The following MBNL1 variants were observed in gnomAD, a reference collection of about 807,000 sequenced individuals.
MBNL1 encodes muscleblind like splicing regulator 1.
Under a neutral mutation model 42.2 loss-of-function variants are expected in MBNL1, and 8 were observed. The ratio of observed to expected loss-of-function variants is 0.19; its 90% CI spans 0.11 to 0.34. The LOEUF is 0.34. Ranked by LOEUF, MBNL1 falls within the 10% of genes least tolerant of loss-of-function variation. The probability of loss-of-function intolerance (pLI) is 1.00; values close to 1 mark genes in which losing one functional copy is unlikely to be tolerated. For missense variants in MBNL1, 309 were observed against 495.3 expected, an observed-to-expected ratio of 0.62 and a Z score of 3.57; for synonymous variants, 169 against 173.9, an observed-to-expected ratio of 0.97 and a Z score of 0.22.
At chr3:152,335,491 A>G (rs1048531728) in intron 2 of MBNL1, among the ~76,000 whole-genome samples, 4 of 152,168 alleles carry the variant, frequency 2.6e-5, no homozygotes, top group African/African-American at 9.6e-5. Context: ...CAGTAGATGG[A>G]GCATAGTTTT....
chr3:152,284,150 G>A (rs1014893211), intron 1 of MBNL1, among the ~76,000 whole-genome samples: 6 of 152,064 alleles, frequency 3.9e-5, no homozygotes, highest in Non-Finnish European at 7.4e-5. Flanking sequence ...TATTGTTAAT[G>A]AATATATTCA....
At chr3:152,323,034 G>T (rs1276487729) in intron 2 of MBNL1, among the ~76,000 whole-genome samples, 1 of 151,966 alleles carries the variant, frequency 6.6e-6, no homozygotes, top group African/African-American at 2.4e-5. Flanking sequence ...CCAAAAATGG[G>T]GTTATACTGG....
chr3:152,444,447 A>C (rs998968761), intron 4 of MBNL1, among the ~76,000 whole-genome samples: 3 of 152,218 alleles, frequency 2.0e-5, no homozygotes, highest in Admixed American at 2.0e-4. Context: ...AGATCAAAAA[A>C]ATAACTCCTG....
chr3:152,448,038 C>CT (rs552045546), intron 6 of MBNL1, among the ~76,000 whole-genome samples: 52 of 152,210 alleles, frequency 3.4e-4, no homozygotes, highest in Admixed American at 1.6e-3. Flanking sequence ...ATATAGTTCT[C>CT]TTTTTTTCTC....
At chr3:152,414,066 A>G (rs1057025934) in intron 2 of MBNL1, among the ~76,000 whole-genome samples, 1 of 152,112 alleles carries the variant, frequency 6.6e-6, no homozygotes, top group Non-Finnish European at 1.5e-5. Context: ...CTAAACATGT[A>G]TGATTTATCT....
At chr3:152,251,871 T>A (rs1265029465) in intron 2 of MBNL1, among the ~76,000 whole-genome samples, 1 of 152,080 alleles carries the variant, frequency 6.6e-6, no homozygotes, top group Non-Finnish European at 1.5e-5. Flanking sequence ...TTGATGTTCT[T>A]GTCAAATGCA....
At chr3:152,381,577 C>T (rs1293462523) in intron 2 of MBNL1, among the ~76,000 whole-genome samples, 1 of 151,924 alleles carries the variant, frequency 6.6e-6, no homozygotes, top group East Asian at 1.9e-4. Context: ...TGTTAAAAAA[C>T]TCATTTTGGT....
intron 2 of MBNL1, among the ~76,000 whole-genome samples, chr3:152,348,544 T>TA (rs2094557723): frequency 1.3e-5 from 2 of 152,168 alleles, no homozygotes; most frequent in African/African-American, 4.8e-5. Flanking sequence ...GGTTGTAATT[T>TA]ATTATGTAGG....
At chr3:152,295,756 A>G (rs1434518167) in intron 1 of MBNL1, among the ~76,000 whole-genome samples, 2 of 152,212 alleles carry the variant, frequency 1.3e-5, no homozygotes, top group African/African-American at 4.8e-5. Context: ...GCCAAGTTGC[A>G]GGGGTGAGGA....
rs1748636654 is a variant in MBNL1 at position 152,463,503 on chromosome 3, T to C, written c.*1137T>C. 1 of 152,494 alleles carries C rather than the reference T, an allele frequency of 6.6e-6. No homozygotes were observed. The highest frequency in any genetic ancestry group is 1.5e-5 in the Non-Finnish European group (1 of 67,946). The allele number at this position is 152,494 out of a possible 1,614,324, so 9.4% of individuals were successfully genotyped here. On this transcript the variant is annotated 3_prime_UTR_variant, in exon 10 of 10. Transcript: ENST00000324210. ...TCACAGTCACATTCAAAATAGTGAC[T>C]CTAAACAAAGAAGAAAGCAGCACTG...
intron 2 of MBNL1, among the ~76,000 whole-genome samples, chr3:152,403,153 T>A (rs569621380): frequency 1.3e-5 from 2 of 151,394 alleles, no homozygotes; most frequent in African/African-American, 4.9e-5. Flanking sequence ...AAAAAAAAAA[T>A]CGTGTGACAA....
intron 2 of MBNL1, among the ~76,000 whole-genome samples, chr3:152,376,547 T>C (rs1031566166): frequency 6.6e-6 from 1 of 152,228 alleles, no homozygotes; most frequent in African/African-American, 2.4e-5. Flanking sequence ...ACTTGCTGAC[T>C]AATGGTTGTT....
At chr3:152,312,074 C>A (rs1444372176) in intron 2 of MBNL1, among the ~76,000 whole-genome samples, 2 of 150,792 alleles carry the variant, frequency 1.3e-5, no homozygotes, top group South Asian at 2.1e-4. Flanking sequence ...CGCCTGTAGT[C>A]CCAGCTACTT....
chr3:152,426,064 G>A (rs2098925803), intron 3 of MBNL1, among the ~76,000 whole-genome samples: 1 of 152,104 alleles, frequency 6.6e-6, no homozygotes, highest in Non-Finnish European at 1.5e-5. Flanking sequence ...GGATGAAGCT[G>A]GAAACCATCA....
chr3:152,269,155 C>A, intron 1 of MBNL1, 63 bp downstream of exon 1: 1 of 426,666 alleles, frequency 2.3e-6, no homozygotes, highest in Non-Finnish European at 4.7e-6. Flanking sequence ...GCGGGTCTGC[C>A]CGTGGCTGAA....
chr3:152,281,944 T>A (rs1447946671), intron 1 of MBNL1, among the ~76,000 whole-genome samples: 1 of 152,140 alleles, frequency 6.6e-6, no homozygotes, highest in Non-Finnish European at 1.5e-5. Flanking sequence ...AATTAGAGCA[T>A]GTCCATGTGT....
At chr3:152,438,599 G>A (rs2099108859) in intron 4 of MBNL1, among the ~76,000 whole-genome samples, 1 of 152,292 alleles carries the variant, frequency 6.6e-6, no homozygotes, top group Middle Eastern at 3.4e-3. Flanking sequence ...ATCACATGGG[G>A]TGATTGTTAA....
intron 2 of MBNL1, among the ~76,000 whole-genome samples, chr3:152,362,338 TA>T (rs1403258023): frequency 2.0e-5 from 3 of 152,136 alleles, no homozygotes; most frequent in Admixed American, 1.3e-4. Flanking sequence ...ACAGCACTAG[TA>T]GGGGTGGTTT....
intron 2 of MBNL1, among the ~76,000 whole-genome samples, chr3:152,356,856 A>AGCGTGT (rs1553865141): frequency 8.7e-5 from 13 of 149,382 alleles, no homozygotes; most frequent in African/African-American, 2.7e-4. Flanking sequence ...ATATGTGTGT[A>AGCGTGT]GTGTGTGTGT....
Sources: allele counts gnomAD v4.1 joint callset (sites outside exome capture counted in the v4.1 genomes callset), GRCh38; gene constraint gnomAD v4.1.1; transcripts MANE v1.5; gene names NCBI Gene and HGNC (gene_info 2026-07-23, HGNC 2026-07-21).